The following GAB1 variants were observed in gnomAD, a reference collection of about 807,000 sequenced individuals.
The protein encoded by GAB1 is GRB2 associated binding protein 1, also known as GRB2-associated-binding protein 1.
GAB1 carries 19 observed loss-of-function variants against 66.5 expected under a neutral mutation model. That is an observed-to-expected ratio of 0.29 (90% CI 0.20 to 0.42). The LOEUF (loss-of-function observed/expected upper bound fraction) is 0.42, where lower values mean the gene tolerates loss of function less well. Among genes scored for constraint, GAB1 ranks in the 10% least tolerant of loss-of-function variants. The pLI is 1.00. For synonymous variants in GAB1, 294 were observed against 301.4 expected (o/e 0.98, Z 0.25); for missense variants, 732 against 858.5 (o/e 0.85, Z 1.84).
chr4:143,383,003 A>G (rs1171008921), intron 1 of GAB1, among the ~76,000 whole-genome samples: 1 of 152,108 alleles, frequency 6.6e-6, no homozygotes, highest in Non-Finnish European at 1.5e-5. Flanking sequence ...CTTCTTTTTA[A>G]TTTAACAGTT....
intron 1 of GAB1, among the ~76,000 whole-genome samples, chr4:143,406,256 T>G (rs1412306351): frequency 6.7e-6 from 1 of 148,772 alleles, no homozygotes; most frequent in African/African-American, 2.5e-5. Flanking sequence ...TTTAGCCACA[T>G]TTTTTTTTTC....
rs1468831646 is a variant in GAB1, at chr4:143,469,217, A to T, written c.*28A>T. On this transcript the variant is annotated 3_prime_UTR_variant, in exon 10 of 10. Coordinates refer to ENST00000262994, the MANE Select transcript of GAB1 (RefSeq NM_002039.4). ...ATATTGCCTTGCCATTTCTGAACAA[A>T]AGAAAACTGAATTGTAAAGATAAAT... 1 of 1,609,808 alleles carries T rather than the reference A, an allele frequency of 6.2e-7. No individual in the cohort carries two copies.
intron 1 of GAB1, among the ~76,000 whole-genome samples, chr4:143,408,474 G>T (rs943507571): frequency 6.6e-6 from 1 of 151,948 alleles, no homozygotes; most frequent in Non-Finnish European, 1.5e-5. Flanking sequence ...TGCTGTGTTT[G>T]TACAAACACA....
intron 3 of GAB1, among the ~76,000 whole-genome samples, chr4:143,436,379 T>A (rs576794962): frequency 6.6e-6 from 1 of 152,302 alleles, no homozygotes; most frequent in South Asian, 2.1e-4. Context: ...TCCCACACCC[T>A]GTAGGGGCCC....
intron 1 of GAB1, among the ~76,000 whole-genome samples, chr4:143,378,018 A>T (rs1730487628): frequency 6.6e-6 from 1 of 152,196 alleles, no homozygotes; most frequent in Non-Finnish European, 1.5e-5. Flanking sequence ...TAGCCCTCAA[A>T]GATTATTTAA....
chr4:143,467,262 A>G (rs1369582491), intron 9 of GAB1, among the ~76,000 whole-genome samples: 1 of 152,172 alleles, frequency 6.6e-6, no homozygotes, highest in Non-Finnish European at 1.5e-5. Context: ...TCTAATTGTA[A>G]TTCCCTTGTA....
rs998734646 is a variant in GAB1, at chr4:143,433,673, C to A, written c.550C>A (p.Leu184Met). The A allele has an allele frequency of 1.7e-5, 28 of 1,613,888 alleles. No homozygotes were observed. Among genetic ancestry groups the A allele is most frequent in the Non-Finnish European group, 2.4e-5 (28 of 1,179,920 alleles). Reference sequence around the variant, plus strand: ...CATTCAGGAGGATCCTCAAGACTACCTGTTGCTCATCAACTGTCAAAGCAA... The same window carrying A: ...CATTCAGGAGGATCCTCAAGACTACATGTTGCTCATCAACTGTCAAAGCAA... ...LGIQEDPQDY[L>M]LLINCQSKKP... Residue 184 changes from leucine to methionine, a missense_variant, in exon 3 of 10, where the codon CTG becomes ATG. Physicochemically the swap from Leu to Met is conservative, Grantham distance 15 (BLOSUM62 2). Transcript: ENST00000262994.
intron 2 of GAB1, among the ~76,000 whole-genome samples, chr4:143,419,755 G>A (rs1732914948): frequency 6.6e-6 from 1 of 151,970 alleles, no homozygotes; most frequent in African/African-American, 2.4e-5. Context: ...ACTTCATCCT[G>A]GTTATTTCCC....
intron 1 of GAB1, among the ~76,000 whole-genome samples, chr4:143,409,262 G>T (rs1227278978): frequency 6.6e-6 from 1 of 152,174 alleles, no homozygotes; most frequent in Non-Finnish European, 1.5e-5. Flanking sequence ...GACCATGTGG[G>T]TGCTGTCTGA....
intron 6 of GAB1, among the ~76,000 whole-genome samples, chr4:143,449,725 G>T (rs1402384633): frequency 6.6e-6 from 1 of 152,144 alleles, no homozygotes; most frequent in Non-Finnish European, 1.5e-5. Context: ...GCACACTGAT[G>T]GGTCTTGACT....
At position 143,472,760 on chromosome 4, in the gene GAB1, C is replaced by T. The variant is rs1052513965; in HGVS notation, c.*3571C>T. ...GTCAAGTAAGCAATCAGGTCCGTGA[C>T]AGGGATTGGACATATGAACAAATTA... On this transcript the variant is annotated 3_prime_UTR_variant, in exon 10 of 10. Coordinates refer to ENST00000262994, the MANE Select transcript of GAB1 (RefSeq NM_002039.4). 1 of 152,116 alleles carries T rather than the reference C, an allele frequency of 6.6e-6. No individual in the cohort carries two copies. Among genetic ancestry groups the T allele is most frequent in the Non-Finnish European group, 1.5e-5 (1 of 68,030 alleles). The allele number at this position is 152,116 out of a possible 1,614,324, so 9.4% of individuals were successfully genotyped here. A position where few individuals can be genotyped will look rare whatever the true frequency, so the allele number is the denominator to read the frequency against.
At chr4:143,370,793 G>C (rs568757650) in intron 1 of GAB1, among the ~76,000 whole-genome samples, 72 of 152,292 alleles carry the variant, frequency 4.7e-4, no homozygotes, top group African/African-American at 1.7e-3. Flanking sequence ...GTGAGAACAT[G>C]CAGTGTTTGG....
intron 2 of GAB1, chr4:143,425,420 C>T (rs1283855257): frequency 1.3e-6 from 1 of 759,134 alleles, no homozygotes; most frequent in African/African-American, 1.7e-5. Context: ...GGTTACTGAC[C>T]CCAGGGCTGA....
rs370698203 is a variant in GAB1, at chr4:143,446,416, T to G, written c.1585+6034T>G. On this transcript the variant is annotated intron_variant, in intron 6 of 9. Transcript: ENST00000262994. ...CTAGTTTACAGTCCCACCAACAGTG[T>G]AAAAGTGTTCCTATTTCTCCACATC... is the stretch of plus-strand genomic sequence containing the variant. Among the ~76,000 whole-genome samples the G allele has an allele frequency of 2.5e-3, 386 of 152,006 alleles. 3 individuals are homozygous for G. The East Asian group carries it at 0.028, about 11-fold the overall frequency.
chr4:143,342,102 A>G (rs1305950713), intron 1 of GAB1, among the ~76,000 whole-genome samples: 3 of 152,232 alleles, frequency 2.0e-5, no homozygotes, highest in South Asian at 4.1e-4. Context: ...GAGATCATCA[A>G]CTTGCAATTA....
rs1446302091 is a variant in GAB1 at position 143,386,099 on chromosome 4, G to A, written c.73-29378G>A. ...CAAGACTGCAGTGAGCCATGATCACGCCACTGCACTCCAGCCTGGGCAACA... is the reference window on the plus strand; with the variant it reads ...CAAGACTGCAGTGAGCCATGATCACACCACTGCACTCCAGCCTGGGCAACA... On this transcript the variant is annotated intron_variant, in intron 1 of 9. Coordinates refer to ENST00000262994, the MANE Select transcript of GAB1 (RefSeq NM_002039.4). Among the ~76,000 whole-genome samples the A allele has an allele frequency of 3.3e-5, 5 of 152,118 alleles. No individual in the cohort carries two copies. The South Asian group carries it at 8.3e-4, about 25-fold the overall frequency.
chr4:143,446,725 T>G (rs1284790366), intron 6 of GAB1, among the ~76,000 whole-genome samples: 1 of 152,162 alleles, frequency 6.6e-6, no homozygotes, highest in East Asian at 1.9e-4. Flanking sequence ...TTGCGAAAAT[T>G]TTCTCCCATT....
At chr4:143,415,296 A>T (rs1732622280) in intron 1 of GAB1, among the ~76,000 whole-genome samples, 181 bp from the exon 2 acceptor site, 1 of 152,226 alleles carries the variant, frequency 6.6e-6, no homozygotes, top group Non-Finnish European at 1.5e-5. Context: ...TAATTGAGTT[A>T]TGAGTAAACG....
chr4:143,426,933 C>G (rs1733390057), intron 2 of GAB1, among the ~76,000 whole-genome samples: 1 of 152,072 alleles, frequency 6.6e-6, no homozygotes, highest in South Asian at 2.1e-4. Flanking sequence ...AATTAACAAG[C>G]CAAATGAAAT....
Sources: gnomAD v4.1 joint callset for allele counts (sites outside exome capture counted in the v4.1 genomes callset) on GRCh38, gnomAD v4.1.1 for gene constraint, MANE v1.5 for transcripts, NCBI Gene and HGNC (gene_info 2026-07-23, HGNC 2026-07-21) for gene names.